Variants in ZNF385D observed in about 807,000 individuals in gnomAD.
The protein encoded by ZNF385D is zinc finger protein 385D.
ZNF385D carries 15 observed loss-of-function variants against 35.8 expected under a neutral mutation model. That is an observed-to-expected ratio of 0.42 (90% confidence interval 0.28 to 0.64). The LOEUF (loss-of-function observed/expected upper bound fraction) is 0.64, where lower values mean the gene tolerates loss of function less well. Among genes scored for constraint, ZNF385D ranks in the 30% least tolerant of loss-of-function variants. The probability of loss-of-function intolerance (pLI) is 0.23; values close to 1 mark genes in which losing one functional copy is unlikely to be tolerated. For synonymous variants in ZNF385D, 212 were observed against 186.8 expected (o/e 1.13, Z -1.10); for missense variants, 474 against 494.6 (o/e 0.96, Z 0.39).
intron 3 of ZNF385D, among the ~76,000 whole-genome samples, chr3:22,131,326 T>C (rs912254964): frequency 2.6e-5 from 4 of 151,900 alleles, no homozygotes; most frequent in Non-Finnish European, 5.9e-5. Flanking sequence ...AAGAAGAGTT[T>C]CAGTGAACAG....
intron 4 of ZNF385D, among the ~76,000 whole-genome samples, chr3:21,492,599 A>G (rs1287312613): frequency 1.3e-5 from 2 of 151,600 alleles, no homozygotes; most frequent in African/African-American, 2.4e-5. Flanking sequence ...CCTGACCAAT[A>G]CGGTGAAACC....
intron 3 of ZNF385D, among the ~76,000 whole-genome samples, chr3:22,025,954 C>A (rs1187623049): frequency 6.8e-6 from 1 of 146,792 alleles, no homozygotes; most frequent in Non-Finnish European, 1.5e-5. Flanking sequence ...GTGGCAGGGG[C>A]CAAGTGGCAG....
At chr3:21,908,118 ATATC>A (rs61001621) in intron 3 of ZNF385D, among the ~76,000 whole-genome samples, 50,498 of 135,432 alleles carry the variant, frequency 0.37, 8,726 homozygotes, top group Middle Eastern at 0.45. Flanking sequence ...CTTTCTCTCT[ATATC>A]TATCTATCTA....
At chr3:22,252,909 G>C (rs1282623764) in intron 2 of ZNF385D, among the ~76,000 whole-genome samples, 3 of 152,080 alleles carry the variant, frequency 2.0e-5, no homozygotes, top group African/African-American at 7.2e-5. Context: ...CCAGGCTGAA[G>C]AGTTGATTCT....
At chr3:21,451,770 C>T (rs374171236) in intron 4 of ZNF385D, among the ~76,000 whole-genome samples, 26 of 152,026 alleles carry the variant, frequency 1.7e-4, no homozygotes, top group South Asian at 6.2e-4. Flanking sequence ...TATAGTACTA[C>T]GAGAAAAACA....
chr3:21,989,173 C>A (rs186270168), intron 3 of ZNF385D, among the ~76,000 whole-genome samples: 3 of 152,270 alleles, frequency 2.0e-5, no homozygotes, highest in Admixed American at 2.0e-4. Context: ...CATCTTGGCT[C>A]CTCCGACCCC....
rs151120261 is a variant in ZNF385D, at chr3:22,187,460, C to G, written c.107-18425G>C. On this transcript the variant is annotated intron_variant, in intron 2 of 5. Coordinates refer to the ZNF385D transcript ENST00000494108. ...AAACTTTCCTATGGTGACTTTTTTT[C>G]TCTCCCTCTCACCCTATACACACAC... is the stretch of plus-strand genomic sequence containing the variant. Among the ~76,000 whole-genome samples the G allele has an allele frequency of 6.7e-3, 1,011 of 151,936 alleles. 14 individuals are homozygous for G. The highest frequency in any genetic ancestry group is 0.023 in the African/African-American group (956 of 41,452).
intron 2 of ZNF385D, among the ~76,000 whole-genome samples, chr3:22,356,404 C>T (rs760709588): frequency 7.9e-5 from 12 of 151,776 alleles, no homozygotes; most frequent in Non-Finnish European, 7.4e-5. Flanking sequence ...AAGCATTTTA[C>T]AGTGGGTATT....
At chr3:21,783,162 C>T (rs36108312) in intron 3 of ZNF385D, among the ~76,000 whole-genome samples, 10,688 of 152,140 alleles carry the variant, frequency 0.07, 615 homozygotes, top group East Asian at 0.32. Context: ...TGAACTTTCA[C>T]GTCTTGGAAT....
intron 4 of ZNF385D, among the ~76,000 whole-genome samples, chr3:21,453,721 T>G (rs2125287984): frequency 6.6e-6 from 1 of 152,142 alleles, no homozygotes; most frequent in South Asian, 2.1e-4. Context: ...CTAGTGTCAG[T>G]GAGAATGCAG....
chr3:21,770,881 C>T (rs1559606459), intron 3 of ZNF385D, among the ~76,000 whole-genome samples: 1 of 152,042 alleles, frequency 6.6e-6, no homozygotes, highest in Non-Finnish European at 1.5e-5. Context: ...AAATGTGGCA[C>T]ATATACACCA....
At chr3:21,928,515 G>A (rs1034308108) in intron 3 of ZNF385D, among the ~76,000 whole-genome samples, 8 of 152,098 alleles carry the variant, frequency 5.3e-5, no homozygotes, top group Admixed American at 4.6e-4. Flanking sequence ...CTGAGCAACC[G>A]CAGAATGTAC....
At chr3:22,103,387 C>T (rs566594791) in intron 3 of ZNF385D, among the ~76,000 whole-genome samples, 1 of 151,968 alleles carries the variant, frequency 6.6e-6, no homozygotes, top group Non-Finnish European at 1.5e-5. Context: ...AATTATAGAC[C>T]TACAAAGTAA....
Position 22,113,023 on chromosome 3 carries a change from T to G in ZNF385D, c.325+55794A>C, listed in dbSNP as rs150521160. On this transcript the variant is annotated intron_variant, in intron 3 of 5. Transcript: ENST00000494108. ...GTGGCCTTGGTCAACCCCAACAATC[T>G]CTCGGTCGCATTTGTGGAAATGAAG... is the stretch of plus-strand genomic sequence containing the variant. Among the ~76,000 whole-genome samples the G allele has an allele frequency of 3.8e-4, 58 of 152,088 alleles. No homozygotes were observed. In the East Asian group the frequency reaches 0.01, roughly 27 times the overall value.
intron 2 of ZNF385D, among the ~76,000 whole-genome samples, chr3:22,234,417 G>A (rs1227049973): frequency 6.6e-6 from 1 of 151,934 alleles, no homozygotes; most frequent in African/African-American, 2.4e-5. Flanking sequence ...ATTAAATTTT[G>A]TCCTCAAATC....
intron 3 of ZNF385D, among the ~76,000 whole-genome samples, chr3:21,517,282 T>A (rs1250189166): frequency 6.6e-6 from 1 of 151,862 alleles, no homozygotes; most frequent in South Asian, 2.1e-4. Flanking sequence ...GGCAAGTAAG[T>A]GAAGCCAAAC....
intron 3 of ZNF385D, chr3:21,849,693 T>C (rs1039146591): frequency 6.8e-6 from 1 of 147,978 alleles, no homozygotes; most frequent in African/African-American, 2.4e-5. Flanking sequence ...CTAATGCAGA[T>C]GTCCTCAAAA....
intron 2 of ZNF385D, among the ~76,000 whole-genome samples, chr3:22,308,477 G>A (rs1203604616): frequency 1.3e-5 from 2 of 151,890 alleles, no homozygotes; most frequent in African/African-American, 2.4e-5. Context: ...AAGACAGAGA[G>A]AAGGACATTC....
intron 3 of ZNF385D, among the ~76,000 whole-genome samples, chr3:22,157,135 G>T (rs1204302943): frequency 2.6e-5 from 4 of 152,134 alleles, no homozygotes; most frequent in African/African-American, 9.7e-5. Flanking sequence ...TCTGGAACCA[G>T]CTTGCCAGGC....
Sources: gnomAD v4.1 joint callset for allele counts (sites outside exome capture counted in the v4.1 genomes callset) on GRCh38, gnomAD v4.1.1 for gene constraint, MANE v1.5 for transcripts, NCBI Gene and HGNC (gene_info 2026-07-23, HGNC 2026-07-21) for gene names.